Variants in ENPP3 observed in about 807,000 individuals in gnomAD.
ENPP3 encodes ectonucleotide pyrophosphatase/phosphodiesterase family member 3.
A neutral mutation model predicts 117.8 loss-of-function variants in ENPP3; 104 were observed. The observed-to-expected ratio is 0.88, with a 90% CI of 0.75 to 1.04. ENPP3 has a LOEUF of 1.04. Ranked by LOEUF, ENPP3 falls within the 50% of genes least tolerant of loss-of-function variation. The probability of loss-of-function intolerance (pLI) is 0.00; values close to 1 mark genes in which losing one functional copy is unlikely to be tolerated. For synonymous variants in ENPP3, 380 were observed against 349.9 expected (o/e 1.09, Z -0.96); for missense variants, 1,026 against 1,051.9 (o/e 0.98, Z 0.34).
chr6:131,700,406 G>A (rs1480079134), intron 15 of ENPP3: 5 of 527,764 alleles, frequency 9.5e-6, no homozygotes, highest in Admixed American at 4.2e-5. Flanking sequence ...GCAGAGATGG[G>A]TTAAGAACCG....
At chr6:131,663,341 C>A (rs1186049192) in intron 6 of ENPP3, among the ~76,000 whole-genome samples, 4 of 151,640 alleles carry the variant, frequency 2.6e-5, no homozygotes, top group Non-Finnish European at 5.9e-5. Flanking sequence ...TTTCAATCAA[C>A]AACAGACTGC....
intron 11 of ENPP3, among the ~76,000 whole-genome samples, chr6:131,681,031 G>A (rs1352659874): frequency 6.6e-6 from 1 of 152,066 alleles, no homozygotes; most frequent in South Asian, 2.1e-4. Context: ...GACAGAAGAG[G>A]AGGGGGTTCT....
Position 131,693,595 on chromosome 6 carries a change from C to G in ENPP3, c.1383C>G (p.Leu461=), listed in dbSNP as rs1329966495. 1 of 1,613,838 alleles carries G rather than the reference C, an allele frequency of 6.2e-7. No homozygotes were observed. Among genetic ancestry groups the G allele is most frequent in the Non-Finnish European group, 8.5e-7 (1 of 1,179,890 alleles). The part of the protein sequence containing the change: ...AKNVRIDKVH[L]FVDQQWLAVR... Reference sequence around the variant, plus strand: ...ACGTCAGAATCGACAAAGTTCATCTCTTTGTGGATCAACAGTGGCTGGCTG... The same window carrying G: ...ACGTCAGAATCGACAAAGTTCATCTGTTTGTGGATCAACAGTGGCTGGCTG... Residue 461 remains leucine, a synonymous_variant, in exon 15 of 25, where the codon CTC becomes CTG. Transcript: ENST00000357639.
At chr6:131,682,530 A>G (rs1382278542) in intron 11 of ENPP3, among the ~76,000 whole-genome samples, 3 of 152,164 alleles carry the variant, frequency 2.0e-5, no homozygotes, top group Admixed American at 6.5e-5. Context: ...TTTTCCTTGC[A>G]TTTAAATTAT....
At chr6:131,675,221 T>C (rs1303312233) in intron 9 of ENPP3, 32 bp downstream of exon 9, 4 of 1,252,456 alleles carry the variant, frequency 3.2e-6, no homozygotes, top group Non-Finnish European at 4.7e-6. Flanking sequence ...TTCTCCCAGC[T>C]AGGCAGAAAT....
At chr6:131,680,151 T>C (rs931394434) in intron 11 of ENPP3, among the ~76,000 whole-genome samples, 11 of 152,304 alleles carry the variant, frequency 7.2e-5, no homozygotes, top group African/African-American at 2.2e-4. Context: ...ACAGGTTAGC[T>C]TTCCCAACAT....
chr6:131,721,053 CT>C (rs1219605043), intron 17 of ENPP3, among the ~76,000 whole-genome samples: 10 of 152,174 alleles, frequency 6.6e-5, no homozygotes, highest in African/African-American at 2.4e-4. Flanking sequence ...GAGAAGCTCT[CT>C]GGCATAAAAA....
At chr6:131,687,458 T>C (rs568072264) in intron 14 of ENPP3, among the ~76,000 whole-genome samples, 1 of 152,246 alleles carries the variant, frequency 6.6e-6, no homozygotes, top group Non-Finnish European at 1.5e-5. Flanking sequence ...TCTTGGCAAA[T>C]AATTTTTGGC....
intron 1 of ENPP3, 117 bp downstream of exon 1, chr6:131,637,579 A>G (rs1310173341): frequency 1.8e-5 from 10 of 554,130 alleles, no homozygotes; most frequent in Non-Finnish European, 3.2e-5. Context: ...AAGTAACTGT[A>G]TTCAGTATTA....
At chr6:131,696,971 A>G (rs1479485351) in intron 15 of ENPP3, among the ~76,000 whole-genome samples, 3 of 151,988 alleles carry the variant, frequency 2.0e-5, no homozygotes, top group Admixed American at 6.6e-5. Flanking sequence ...AGGTTTCACC[A>G]TGTTAGCCAG....
At chr6:131,700,693 A>G (rs1171292788) in intron 15 of ENPP3, 1 of 1,559,378 alleles carries the variant, frequency 6.4e-7, no homozygotes, top group Non-Finnish European at 8.6e-7. Context: ...CAGGTGCGGA[A>G]GGCTTTCCTC....
chr6:131,668,126 A>G (rs776562755), intron 6 of ENPP3, among the ~76,000 whole-genome samples: 2 of 151,772 alleles, frequency 1.3e-5, no homozygotes, highest in Non-Finnish European at 2.9e-5. Context: ...ATATCTTAAT[A>G]ATATTTCATT....
chr6:131,722,340 G>C lies in ENPP3; in HGVS notation c.1681G>C (p.Val561Leu), dbSNP rs780435581. Reference sequence around the variant, plus strand: ...TGCAGAGGAGGTGTCAAAGTTTTCTGTTTGTGGCTTTGCTAATCCATTGCC... The same window carrying C: ...TGCAGAGGAGGTGTCAAAGTTTTCTCTTTGTGGCTTTGCTAATCCATTGCC... ...SHAEEVSKFS[V>L]CGFANPLPTE... The change falls in exon 18 of 25, where the codon GTT becomes CTT. Residue 561 changes from valine (V) to leucine (L), a missense_variant. Transcript: ENST00000357639. The C allele has an allele frequency of 6.2e-7, 1 of 1,614,064 alleles. No individual in the cohort carries two copies. Among genetic ancestry groups the C allele is most frequent in the Admixed American group, 1.7e-5 (1 of 59,992 alleles).
chr6:131,718,863 C>T (rs1779954050), intron 16 of ENPP3, 125 bp downstream of exon 16: 3 of 543,596 alleles, frequency 5.5e-6, no homozygotes, highest in African/African-American at 1.9e-5. Context: ...TTTCATTACT[C>T]AGATGTTAAG....
chr6:131,730,937 A>G (rs1055133489), intron 20 of ENPP3, among the ~76,000 whole-genome samples: 1 of 148,938 alleles, frequency 6.7e-6, no homozygotes, highest in African/African-American at 2.5e-5. Flanking sequence ...AAAAAATTAG[A>G]CTTCCTGGGC....
chr6:131,737,797 A>G (rs1211059805), intron 22 of ENPP3, among the ~76,000 whole-genome samples: 1 of 152,150 alleles, frequency 6.6e-6, no homozygotes, highest in African/African-American at 2.4e-5. Context: ...CTAGGGAGAA[A>G]TTTGAAGGCA....
intron 21 of ENPP3, among the ~76,000 whole-genome samples, chr6:131,734,899 CAAA>C (rs59698316): frequency 2.4e-5 from 2 of 82,624 alleles, no homozygotes; most frequent in Non-Finnish European, 2.9e-5. Context: ...GACTCTGTCT[CAAA>C]AAAAAAAAAA....
At position 131,637,419 on chromosome 6, in the gene ENPP3, C is replaced by T; in HGVS notation, c.35C>T (p.Pro12Leu). The T allele has an allele frequency of 2.5e-6, 4 of 1,595,978 alleles. No homozygotes were observed. The highest frequency in any genetic ancestry group is 3.4e-6 in the Non-Finnish European group (4 of 1,171,434). ...ESTLTLATEQ[P>L]VKKNTLKKYK... ...ACGTTGACTTTAGCAACGGAACAAC[C>T]TGTTAAGAAGAACACTCTTAAGAAA... Residue 12 changes from proline to leucine, a missense_variant, in exon 1 of 25, where the codon CCT becomes CTT. Transcript: ENST00000357639.
At chr6:131,672,804 A>G (rs1778774273) in intron 7 of ENPP3, among the ~76,000 whole-genome samples, 1 of 151,948 alleles carries the variant, frequency 6.6e-6, no homozygotes, top group African/African-American at 2.4e-5. Flanking sequence ...ATGTTCTAAA[A>G]TAATGACCCT....
Sources: allele counts gnomAD v4.1 joint callset (sites outside exome capture counted in the v4.1 genomes callset), GRCh38; gene constraint gnomAD v4.1.1; transcripts MANE v1.5; gene names NCBI Gene and HGNC (gene_info 2026-07-23, HGNC 2026-07-21).